The following FBN2 variants were observed in gnomAD, a reference collection of about 807,000 sequenced individuals.
The protein encoded by FBN2 is fibrillin 2.
In FBN2, 105 loss-of-function variants were observed where a neutral mutation model predicts 355.6. The observed-to-expected ratio is 0.30, with a 90% CI of 0.25 to 0.35. FBN2 has a LOEUF of 0.35. Among genes scored for constraint, FBN2 ranks in the 10% least tolerant of loss-of-function variants. The probability of loss-of-function intolerance (pLI) is 1.00; values close to 1 mark genes in which losing one functional copy is unlikely to be tolerated. For missense variants in FBN2, 3,280 were observed against 3,758.7 expected (o/e 0.87, Z 3.33); for synonymous variants, 1,350 against 1,301.2 (o/e 1.04, Z -0.81).
rs1005611432 is a variant in FBN2 at position 128,278,672 on chromosome 5, T to C, written c.7308A>G (p.Ile2436Met). ...TTGTATATCCTGGGCCATGAGGACA[T>C]ATCTTTTTGTACTGGGCAGTTCCAG... Reference protein sequence around the residue: ...PLPGTAQYKKICPHGPGYTTD... With the variant: ...PLPGTAQYKKMCPHGPGYTTD... Residue 2436 changes from isoleucine to methionine, a missense_variant, in exon 57 of 65, where the codon ATA (isoleucine) becomes ATG (methionine). By Grantham distance (10) the Ile-to-Met change is conservative. Coordinates refer to ENST00000262464, the MANE Select transcript of FBN2 (RefSeq NM_001999.4). 1 of 1,614,140 alleles carries C rather than the reference T, an allele frequency of 6.2e-7. No individual in the cohort carries two copies. Among genetic ancestry groups the C allele is most frequent in the Non-Finnish European group, 8.5e-7 (1 of 1,180,012 alleles).
At chr5:128,385,632 CT>C (rs1404695518) in intron 11 of FBN2, among the ~76,000 whole-genome samples, 3 of 152,130 alleles carry the variant, frequency 2.0e-5, no homozygotes, top group Non-Finnish European at 4.4e-5. Flanking sequence ...CTCCAAACTG[CT>C]TTCCACAGTG....
intron 6 of FBN2, among the ~76,000 whole-genome samples, chr5:128,463,948 C>T (rs1489266376): frequency 1.3e-5 from 2 of 152,140 alleles, no homozygotes; most frequent in African/African-American, 4.8e-5. Flanking sequence ...ATGAAGGCAA[C>T]TGCCATTTAA....
chr5:128,264,388 G>T (rs1765064904), intron 62 of FBN2, among the ~76,000 whole-genome samples: 1 of 152,178 alleles, frequency 6.6e-6, no homozygotes, highest in South Asian at 2.1e-4. Context: ...TGCAGACTGT[G>T]CTTTCTGAGG....
At chr5:128,303,220 T>A in intron 45 of FBN2, 131 bp from the exon 46 acceptor site, 1 of 670,460 alleles carries the variant, frequency 1.5e-6, no homozygotes, top group Non-Finnish European at 2.7e-6. Context: ...CATATCTACT[T>A]GAGGAAAATG....
intron 5 of FBN2, among the ~76,000 whole-genome samples, chr5:128,480,520 A>G (rs1250500938): frequency 6.6e-6 from 1 of 152,142 alleles, no homozygotes; most frequent in Non-Finnish European, 1.5e-5. Flanking sequence ...AAAACTCTCA[A>G]GTAATGAGCA....
chr5:128,489,939 A>G (rs1755455025), intron 5 of FBN2, among the ~76,000 whole-genome samples: 1 of 152,210 alleles, frequency 6.6e-6, no homozygotes, highest in African/African-American at 2.4e-5. Flanking sequence ...TACAAAGACC[A>G]CATATGTAGG....
At chr5:128,471,630 A>C (rs1754862234) in intron 5 of FBN2, among the ~76,000 whole-genome samples, 1 of 152,110 alleles carries the variant, frequency 6.6e-6, no homozygotes, top group Non-Finnish European at 1.5e-5. Flanking sequence ...TATTCCATGA[A>C]ACTGGCCTTA....
chr5:128,319,199 A>G (rs886342745), intron 34 of FBN2, among the ~76,000 whole-genome samples, 198 bp from the exon 35 acceptor site: 12 of 152,204 alleles, frequency 7.9e-5, no homozygotes, highest in African/African-American at 2.6e-4. Context: ...GATATACAAG[A>G]ATACTGTTTT....
In FBN2 at chr5:128,318,195, G is replaced by A; in HGVS notation, c.4671C>T (p.Asn1557=). 2 of 1,614,104 alleles carry A rather than the reference G, an allele frequency of 1.2e-6. No homozygotes were observed. The highest frequency in any genetic ancestry group is 1.7e-6 in the Non-Finnish European group (2 of 1,179,946). ...GGTTCAACTGAAAATCGGGTGGGCA[G>A]TTACACTCATAGCGACCAGGCGTGT... The part of the protein sequence containing the change: ...CVNTPGRYEC[N]CPPDFQLNPT... The change falls in exon 36 of 65, where the codon AAC becomes AAT. Residue 1557 remains asparagine, a synonymous_variant. Transcript: ENST00000262464.
chr5:128,400,748 C>T (rs1276864545), intron 8 of FBN2, among the ~76,000 whole-genome samples: 1 of 152,118 alleles, frequency 6.6e-6, no homozygotes, highest in Non-Finnish European at 1.5e-5. Flanking sequence ...TACTTCTAAA[C>T]AATTCATGGA....
At chr5:128,312,233 A>G (rs1199436713) in intron 37 of FBN2, among the ~76,000 whole-genome samples, 1 of 152,212 alleles carries the variant, frequency 6.6e-6, no homozygotes, top group Non-Finnish European at 1.5e-5. Flanking sequence ...ACTAGAGAAA[A>G]CAGGCTTTGG....
At chr5:128,514,594 T>C (rs1346422418) in intron 5 of FBN2, among the ~76,000 whole-genome samples, 2 of 152,142 alleles carry the variant, frequency 1.3e-5, no homozygotes, top group African/African-American at 2.4e-5. Flanking sequence ...ATTTAAAAAT[T>C]AGTTTAGTTA....
intron 5 of FBN2, among the ~76,000 whole-genome samples, chr5:128,466,267 C>G (rs1490737739): frequency 6.6e-6 from 1 of 152,126 alleles, no homozygotes; most frequent in South Asian, 2.1e-4. Flanking sequence ...TATGTCAATA[C>G]AGTTTATTAA....
At chr5:128,300,636 C>G (rs902935691) in intron 48 of FBN2, among the ~76,000 whole-genome samples, 181 bp downstream of exon 48, 3 of 152,186 alleles carry the variant, frequency 2.0e-5, no homozygotes, top group Non-Finnish European at 4.4e-5. Flanking sequence ...TCCTACATCC[C>G]TAAGTTTTTT....
At chr5:128,289,059 A>G in intron 52 of FBN2, 68 bp downstream of exon 52, 4 of 1,539,756 alleles carry the variant, frequency 2.6e-6, no homozygotes, top group Non-Finnish European at 3.6e-6. Flanking sequence ...GGTACCTGAG[A>G]GACCTTTTAC....
intron 7 of FBN2, among the ~76,000 whole-genome samples, chr5:128,436,326 A>T (rs1387226263): frequency 6.6e-6 from 1 of 152,198 alleles, no homozygotes; most frequent in African/African-American, 2.4e-5. Context: ...ATGGGCTTCT[A>T]AAAATCAGAC....
chr5:128,305,411 G>T, intron 44 of FBN2, 100 bp downstream of exon 44: 1 of 1,366,500 alleles, frequency 7.3e-7, no homozygotes, highest in Non-Finnish European at 1.0e-6. Context: ...AACAGGTTAA[G>T]TGAGAAAATC....
At chr5:128,309,939 A>G in intron 40 of FBN2, 44 bp downstream of exon 40, 1 of 1,604,172 alleles carries the variant, frequency 6.2e-7, no homozygotes, top group Non-Finnish European at 8.5e-7. Flanking sequence ...TTATGTGTGA[A>G]GTCAACAACT....
chr5:128,293,361 G>A (rs1488067579), intron 48 of FBN2, among the ~76,000 whole-genome samples: 3 of 152,038 alleles, frequency 2.0e-5, no homozygotes, highest in Non-Finnish European at 4.4e-5. Context: ...GCGTGGTGGT[G>A]GGCACCTGTA....
Sources: allele counts gnomAD v4.1 joint callset (sites outside exome capture counted in the v4.1 genomes callset), GRCh38; gene constraint gnomAD v4.1.1; transcripts MANE v1.5; gene names NCBI Gene and HGNC (gene_info 2026-07-23, HGNC 2026-07-21).